The following CLU variants were observed in gnomAD, a reference collection of about 807,000 sequenced individuals.
CLU encodes the protein clusterin, also known as aging-associated protein 4.
CLU carries 25 observed loss-of-function variants against 46.4 expected under a neutral mutation model. The observed-to-expected ratio is 0.54, with a 90% CI of 0.39 to 0.75. The LOEUF (loss-of-function observed/expected upper bound fraction) is 0.75. Ranked by LOEUF, CLU falls within the 30% of genes least tolerant of loss-of-function variation. The pLI, the probability that CLU is intolerant of heterozygous loss-of-function variation, is 0.00. For synonymous variants in CLU, 235 were observed against 235.1 expected, an observed-to-expected ratio of 1.00 and a Z score of 0.00; for missense variants, 504 against 592.1, an observed-to-expected ratio of 0.85 and a Z score of 1.54.
chr8:27,608,623 C>A (rs1800863298), intron 3 of CLU: 2 of 522,224 alleles, frequency 3.8e-6, no homozygotes, highest in Non-Finnish European at 6.9e-6. Context: ...CCTGTCTGGG[C>A]CCCTGCCGCC....
intron 4 of CLU, among the ~76,000 whole-genome samples, chr8:27,605,951 G>T (rs966821416): frequency 1.3e-5 from 2 of 151,494 alleles, no homozygotes; most frequent in Non-Finnish European, 2.9e-5. Flanking sequence ...GAGGTGGGAG[G>T]ATCACCTGAA....
Position 27,599,627 on chromosome 8 carries a change from C to A in CLU, c.1164+153G>T. 1 of 651,868 alleles carries A rather than the reference C, an allele frequency of 1.5e-6. No individual in the cohort carries two copies. Among genetic ancestry groups the A allele is most frequent in the Non-Finnish European group, 2.7e-6 (1 of 365,178 alleles). 40.4% of individuals were successfully genotyped at this position (651,868 alleles called of 1,614,324 possible). On this transcript the variant is annotated intron_variant, in intron 7 of 8. Transcript: ENST00000316403. This position sits in a 1 kb window ranked among gnomAD's most constrained non-coding sequence, Gnocchi z 4.0. Reference sequence around the variant, plus strand: ...TTTGTAAAGCAGGGTTATATTTTCCCTGAGTGGGTGATGAGGCTTCAAGGC... The same window carrying A: ...TTTGTAAAGCAGGGTTATATTTTCCATGAGTGGGTGATGAGGCTTCAAGGC...
chr8:27,610,368 G>A, intron 2 of CLU, 107 bp downstream of exon 2: 2 of 924,320 alleles, frequency 2.2e-6, no homozygotes, highest in Non-Finnish European at 3.6e-6. Context: ...GATAAAAACG[G>A]TCTGTAACAC....
At chr8:27,613,432 A>C (rs1490371367) in intron 1 of CLU, 1 of 151,642 alleles carries the variant, frequency 6.6e-6, no homozygotes, top group South Asian at 2.1e-4. Flanking sequence ...AAAATCAATG[A>C]CTGTGAACAG....
Position 27,606,435 on chromosome 8 carries a change from C to G in CLU, c.336G>C (p.Glu112Asp), listed in dbSNP as rs370131630. ...CNETMMALWE[E>D]CKPCLKQTCM... is the part of the protein sequence containing the mutation. ...AGGTCTGTTTCAGGCAGGGCTTACACTCTTCCCAGAGGGCCATCATGGTCT... is the reference window on the plus strand; with the variant it reads ...AGGTCTGTTTCAGGCAGGGCTTACAGTCTTCCCAGAGGGCCATCATGGTCT... Residue 112 changes from glutamate (E) to aspartate (D), a missense_variant, in exon 4 of 9, where the codon GAG (glutamate) becomes GAC (aspartate). This residue lies in a region of CLU where 428 missense variants were observed against 484.0 expected (regional missense o/e 0.88). Transcript: ENST00000316403. 6.2e-7 allele frequency: 1 copy of G among 1,614,146 alleles called. No individual in the cohort carries two copies. The highest frequency in any genetic ancestry group is 8.5e-7 in the Non-Finnish European group (1 of 1,180,060).
chr8:27,613,132 A>AC (rs1270002252), intron 1 of CLU, among the ~76,000 whole-genome samples: 1 of 152,052 alleles, frequency 6.6e-6, no homozygotes, highest in Non-Finnish European at 1.5e-5. Flanking sequence ...CACACCTGTC[A>AC]CCCCAGCACT....
chr8:27,610,798 G>A (rs1335165724), intron 1 of CLU, 198 bp from the exon 2 acceptor site: 1 of 565,760 alleles, frequency 1.8e-6, no homozygotes, highest in Non-Finnish European at 3.2e-6. Flanking sequence ...AGCGAAGGCA[G>A]GAGGTGCAGG....
rs919842160 is a variant in CLU at position 27,600,068 on chromosome 8, A to G, written c.935-59T>C. 4 of 1,328,010 alleles carry G rather than the reference A, an allele frequency of 3.0e-6. No individual in the cohort carries two copies. In the African/African-American group the frequency reaches 5.8e-5, roughly 19 times the overall value. 82.3% of individuals were successfully genotyped at this position (1,328,010 alleles called of 1,614,324 possible). On this transcript the variant is annotated intron_variant, in intron 6 of 8. Transcript: ENST00000316403. Reference sequence around the variant, plus strand: ...TGTGAAGGGAAGGCTACAAAGGGATAGAACCATGAATGAATGGAAGTTAGC... The same window carrying G: ...TGTGAAGGGAAGGCTACAAAGGGATGGAACCATGAATGAATGGAAGTTAGC...
In CLU at chr8:27,599,018, T is replaced by C. The variant is rs1277088560; in HGVS notation, c.1165-383A>G. 1 of 154,466 alleles carries C rather than the reference T, an allele frequency of 6.5e-6. No homozygotes were observed. Among genetic ancestry groups the C allele is most frequent in the Non-Finnish European group, 1.4e-5 (1 of 69,806 alleles). The allele number at this position is 154,466 out of a possible 1,614,324, so 9.6% of individuals were successfully genotyped here. A position where few individuals can be genotyped will look rare whatever the true frequency, so the allele number is the denominator to read the frequency against. On this transcript the variant is annotated intron_variant, in intron 7 of 8. Transcript: ENST00000316403. This position sits in a 1 kb window ranked among gnomAD's most constrained non-coding sequence, Gnocchi z 4.0. Reference sequence around the variant, plus strand: ...TTCCCAGTACTAGAAATAAGTTTTATTTGATTTTTTAACTTTATTTTATTA... The same window carrying C: ...TTCCCAGTACTAGAAATAAGTTTTACTTGATTTTTTAACTTTATTTTATTA...
chr8:27,610,549 A>G lies in CLU; in HGVS notation c.23T>C (p.Phe8Ser). Reference protein sequence around the residue: MMKTLLLFVGLLLTWESG... With the variant: MMKTLLLSVGLLLTWESG... ...CTCCCAGGTCAGCAGCAGCCCCACA[A>G]ACAGCAGCAGAGTCTTCATCATGCC... Residue 8 changes from phenylalanine to serine, a missense_variant, in exon 2 of 9, where the codon TTT becomes TCT. Physicochemically the swap from Phe to Ser is radical, Grantham distance 155. Around this residue, in one of 3 missense-constraint regions of CLU, gnomAD observed 73 missense variants for 91.2 expected, o/e 0.80. Coordinates refer to ENST00000316403, the MANE Select transcript of CLU (RefSeq NM_001831.4). 1 of 1,614,192 alleles carries G rather than the reference A, an allele frequency of 6.2e-7. No homozygotes were observed. The highest frequency in any genetic ancestry group is 8.5e-7 in the Non-Finnish European group (1 of 1,180,008).
In CLU at chr8:27,610,594, C is replaced by G. The variant is rs751034357; in HGVS notation, c.-23G>C. On this transcript the variant is annotated 5_prime_UTR_variant, in exon 2 of 9. Transcript: ENST00000316403. Reference sequence around the variant, plus strand: ...CATGCCTCCAATTCTGGAGTCTTTGCACGCCTCTGCAGAGAACAGGAGACC... The same window carrying G: ...CATGCCTCCAATTCTGGAGTCTTTGGACGCCTCTGCAGAGAACAGGAGACC... The G allele has an allele frequency of 6.2e-7, 1 of 1,608,590 alleles. No individual in the cohort carries two copies. Among genetic ancestry groups the G allele is most frequent in the African/African-American group, 1.3e-5 (1 of 74,954 alleles).
At chr8:27,608,284 C>T (rs9331902) in intron 3 of CLU, among the ~76,000 whole-genome samples, 9,992 of 152,254 alleles carry the variant, frequency 0.066, 1,132 homozygotes, top group African/African-American at 0.23. Flanking sequence ...CTTCTCAGAG[C>T]CTTTGAAATG....
intron 3 of CLU, 176 bp downstream of exon 3, chr8:27,608,762 G>A: frequency 2.8e-6 from 2 of 705,612 alleles, no homozygotes; most frequent in Admixed American, 2.2e-5. Context: ...ACTCCCTGAT[G>A]CTTTCAGAAG....
chr8:27,612,051 G>T (rs1384911194), intron 1 of CLU: 1 of 333,196 alleles, frequency 3.0e-6, no homozygotes, highest in African/African-American at 2.2e-5. Context: ...GCAGCCAAAG[G>T]CAAGATACAG....
Position 27,608,980 on chromosome 8 carries a change from C to G in CLU, c.204G>C (p.Lys68Asn). Reference sequence around the variant, plus strand: ...CTTCTTCTAGGTTGCTGAGCAGTGTCTTGCGCTCTTCGTTTGTTTTTTCTA... The same window carrying G: ...CTTCTTCTAGGTTGCTGAGCAGTGTGTTGCGCTCTTCGTTTGTTTTTTCTA... The part of the protein sequence containing the change: ...TLIEKTNEER[K>N]TLLSNLEEAK... Residue 68 changes from lysine (K) to asparagine (N), a missense_variant, in exon 3 of 9, where the codon AAG becomes AAC. Physicochemically the swap from Lys to Asn is moderately conservative, Grantham distance 94. Transcript: ENST00000316403. 6.2e-7 allele frequency: 1 copy of G among 1,614,238 alleles called. No individual in the cohort carries two copies. Among genetic ancestry groups the G allele is most frequent in the Non-Finnish European group, 8.5e-7 (1 of 1,180,036 alleles).
rs756376347 is a variant in CLU, at chr8:27,610,608, G to A, written c.-29-8C>T. The A allele has an allele frequency of 8.8e-6, 14 of 1,596,832 alleles. No individual in the cohort carries two copies. In the East Asian group the frequency reaches 2.9e-4, roughly 33 times the overall value. On this transcript the variant is annotated splice_polypyrimidine_tract_variant and splice_region_variant and intron_variant, in intron 1 of 8. Transcript: ENST00000316403. ...TGGAGTCTTTGCACGCCTCTGCAGA[G>A]AACAGGAGACCATCATGGGAACAGC...
chr8:27,598,338 G>A (rs1800649366), intron 8 of CLU, 88 bp from the exon 9 acceptor site: 3 of 1,596,882 alleles, frequency 1.9e-6, no homozygotes, highest in Non-Finnish European at 1.7e-6. Context: ...TTTGTTCTTG[G>A]GCTCTGGCTC....
intron 1 of CLU, chr8:27,611,586 C>T: frequency 4.4e-6 from 2 of 457,768 alleles, no homozygotes; most frequent in Non-Finnish European, 8.8e-6. Context: ...CCAAGAACTG[C>T]TTATCTGAGC....
At chr8:27,611,328 C>G in intron 1 of CLU, 1 of 455,810 alleles carries the variant, frequency 2.2e-6, no homozygotes, top group Non-Finnish European at 4.4e-6. Context: ...GAGGAGCAGG[C>G]TTCCCAGAGA....
Sources: gnomAD v4.1 joint callset for allele counts (sites outside exome capture counted in the v4.1 genomes callset) on GRCh38, gnomAD v4.1.1 for gene constraint, gnomAD v4.1.1 regional missense constraint, Gnocchi (gnomAD v3.1) non-coding constraint, MANE v1.5 for transcripts, NCBI Gene and HGNC (gene_info 2026-07-23, HGNC 2026-07-21) for gene names.